MGAT4C: variants seen among roughly 807,000 people sequenced by gnomAD.
MGAT4C encodes the protein MGAT4 family member C, also known as alpha-1,3-mannosyl-glycoprotein 4-beta-N-acetylglucosaminyltransferase C.
In MGAT4C, 19 loss-of-function variants were observed where a neutral mutation model predicts 40.1. The ratio of observed to expected loss-of-function variants is 0.47; its 90% CI spans 0.33 to 0.70. The LOEUF (loss-of-function observed/expected upper bound fraction) is 0.70. MGAT4C is among the 30% of genes least tolerant of loss of function. The pLI is 0.02. For missense variants in MGAT4C, 491 were observed against 563.2 expected (o/e 0.87, Z 1.30); for synonymous variants, 181 against 187.1 (o/e 0.97, Z 0.27).
intron 2 of MGAT4C, among the ~76,000 whole-genome samples, chr12:86,569,438 TATC>T (rs1960273759): frequency 6.6e-6 from 1 of 152,060 alleles, no homozygotes; most frequent in African/African-American, 2.4e-5. Context: ...TGACATCACT[TATC>T]ATCAGAGAAA....
At chr12:86,235,597 T>C (rs1592536075) in intron 1 of MGAT4C, among the ~76,000 whole-genome samples, 1 of 152,044 alleles carries the variant, frequency 6.6e-6, no homozygotes, top group Non-Finnish European at 1.5e-5. Context: ...GTTCTCTCTA[T>C]CTCTGAGTGT....
intron 2 of MGAT4C, among the ~76,000 whole-genome samples, chr12:86,590,361 T>G (rs370368313): frequency 1.7e-3 from 256 of 152,078 alleles, no homozygotes; most frequent in African/African-American, 5.8e-3. Context: ...CTTTCTGCTT[T>G]CAACCCTGAA....
intron 3 of MGAT4C, among the ~76,000 whole-genome samples, chr12:86,377,060 CTTTTTTT>C (rs57102882): frequency 7.7e-6 from 1 of 130,684 alleles, no homozygotes; most frequent in Admixed American, 7.7e-5. Context: ...TAGGCATTTG[CTTTTTTT>C]TTTTTTTTTT....
intron 1 of MGAT4C, among the ~76,000 whole-genome samples, chr12:86,081,177 T>TA (rs1402515237): frequency 6.6e-6 from 1 of 152,004 alleles, no homozygotes; most frequent in Admixed American, 6.6e-5. Flanking sequence ...TAGTGAAATA[T>TA]AAAAAAAAGA....
intron 1 of MGAT4C, among the ~76,000 whole-genome samples, chr12:86,211,104 G>A (rs1488042054): frequency 6.6e-6 from 1 of 151,492 alleles, no homozygotes; most frequent in African/African-American, 2.4e-5. Flanking sequence ...TGCCTTTCAA[G>A]GAAAAATAGC....
At chr12:86,789,294 A>T (rs1951983856) in intron 1 of MGAT4C, among the ~76,000 whole-genome samples, 1 of 152,224 alleles carries the variant, frequency 6.6e-6, no homozygotes, top group Non-Finnish European at 1.5e-5. Flanking sequence ...CTATATGAAC[A>T]GGCTGTGTAA....
intron 1 of MGAT4C, among the ~76,000 whole-genome samples, chr12:86,136,427 G>A (rs951466219): frequency 2.7e-4 from 41 of 152,150 alleles, no homozygotes; most frequent in African/African-American, 8.7e-4. Flanking sequence ...GGGTGGTGAC[G>A]TGGAGGACAA....
At chr12:86,490,172 A>G (rs1013070787) in intron 2 of MGAT4C, among the ~76,000 whole-genome samples, 3 of 152,194 alleles carry the variant, frequency 2.0e-5, no homozygotes, top group Admixed American at 2.0e-4. Flanking sequence ...GCAGCCAGAG[A>G]GAAAGGTCGG....
intron 1 of MGAT4C, among the ~76,000 whole-genome samples, chr12:86,736,560 C>T (rs1950988316): frequency 6.6e-6 from 1 of 151,704 alleles, no homozygotes; most frequent in Non-Finnish European, 1.5e-5. Flanking sequence ...GCACCTCCAC[C>T]AGTGAACGAG....
At chr12:86,551,153 T>C (rs1250135619) in intron 2 of MGAT4C, among the ~76,000 whole-genome samples, 1 of 152,210 alleles carries the variant, frequency 6.6e-6, no homozygotes, top group African/African-American at 2.4e-5. Flanking sequence ...TTGGTGAGCA[T>C]GCCCCCAGGC....
intron 3 of MGAT4C, among the ~76,000 whole-genome samples, chr12:86,376,018 T>C (rs1477090901): frequency 6.6e-6 from 1 of 152,094 alleles, no homozygotes; most frequent in Non-Finnish European, 1.5e-5. Context: ...GTAAATTGTT[T>C]GGAGAGCACT....
At chr12:86,244,263 C>T (rs370070454) in intron 1 of MGAT4C, among the ~76,000 whole-genome samples, 4 of 152,298 alleles carry the variant, frequency 2.6e-5, no homozygotes, top group African/African-American at 9.6e-5. Context: ...AAGATGGTGA[C>T]TGCCACAGCA....
chr12:86,725,325 A>C (rs1389200816), intron 2 of MGAT4C, among the ~76,000 whole-genome samples: 2 of 152,220 alleles, frequency 1.3e-5, no homozygotes, highest in African/African-American at 4.8e-5. Flanking sequence ...TCAGTGAAGA[A>C]TATCACATCC....
chr12:86,080,046 T>C (rs1004696543), intron 1 of MGAT4C, among the ~76,000 whole-genome samples: 1 of 152,104 alleles, frequency 6.6e-6, no homozygotes, highest in African/African-American at 2.4e-5. Flanking sequence ...CTCCCTGCTG[T>C]GTTCTGTTAC....
chr12:86,335,010 T>G (rs1049761010), intron 3 of MGAT4C, among the ~76,000 whole-genome samples: 1 of 151,804 alleles, frequency 6.6e-6, no homozygotes, highest in African/African-American at 2.4e-5. Context: ...TTAACTGCTA[T>G]GTATTATTCC....
At chr12:85,997,024 G>C (rs1480474769) in intron 2 of MGAT4C, among the ~76,000 whole-genome samples, 1 of 152,172 alleles carries the variant, frequency 6.6e-6, no homozygotes, top group Non-Finnish European at 1.5e-5. Context: ...TGCTGATAAA[G>C]ATATACCCAA....
chr12:86,476,971 T>G (rs1445211481), intron 2 of MGAT4C, among the ~76,000 whole-genome samples: 5 of 152,016 alleles, frequency 3.3e-5, no homozygotes, highest in African/African-American at 9.7e-5. Context: ...AACTACCTAT[T>G]GGGTACTATG....
At chr12:86,519,648 A>G (rs1958758619) in intron 2 of MGAT4C, among the ~76,000 whole-genome samples, 1 of 152,166 alleles carries the variant, frequency 6.6e-6, no homozygotes, top group Admixed American at 6.6e-5. Context: ...TGATTCTTTG[A>G]TGATTAGTGA....
intron 1 of MGAT4C, among the ~76,000 whole-genome samples, chr12:86,800,096 G>A (rs886752703): frequency 6.6e-5 from 10 of 151,852 alleles, no homozygotes; most frequent in African/African-American, 2.2e-4. Context: ...GGCAATTAAC[G>A]TTGGAAGATG....
Sources: allele counts gnomAD v4.1 joint callset (sites outside exome capture counted in the v4.1 genomes callset), GRCh38; gene constraint gnomAD v4.1.1; transcripts MANE v1.5; gene names NCBI Gene and HGNC (gene_info 2026-07-23, HGNC 2026-07-21).